PCDH11X: variants seen among roughly 807,000 people sequenced by gnomAD.
The protein encoded by PCDH11X is protocadherin-11 X-linked.
A neutral mutation model predicts 53.3 loss-of-function variants in PCDH11X; 18 were observed. The ratio of observed to expected loss-of-function variants is 0.34; its 90% CI spans 0.23 to 0.50. The LOEUF is 0.50. PCDH11X is among the 20% of genes least tolerant of loss of function. The pLI, the probability that PCDH11X is intolerant of heterozygous loss-of-function variation, is 0.98. For missense variants in PCDH11X, 570 were observed against 1,032.4 expected (o/e 0.55, Z 6.14); for synonymous variants, 279 against 393.3 (o/e 0.71, Z 3.44).
chrX:92,591,155 A>G (rs1409686779), intron 10 of PCDH11X, among the ~76,000 whole-genome samples: 3 of 111,397 alleles, frequency 2.7e-5, no homozygotes, highest in African/African-American at 9.8e-5. Flanking sequence ...TTGCAAAATT[A>G]AGAGGCTTTT....
intron 8 of PCDH11X, among the ~76,000 whole-genome samples, chrX:92,287,346 C>T (rs1013277258): frequency 1.8e-5 from 2 of 111,051 alleles, no homozygotes; most frequent in African/African-American, 6.6e-5. Context: ...TTGTCCACCA[C>T]CCCCTGACAG....
At chrX:92,321,519 A>G (rs1475315436) in intron 8 of PCDH11X, among the ~76,000 whole-genome samples, 1 of 111,529 alleles carries the variant, frequency 9.0e-6, no homozygotes, top group Admixed American at 9.5e-5. Flanking sequence ...AATATTGCTT[A>G]TCTCATGGCC....
intron 10 of PCDH11X, among the ~76,000 whole-genome samples, chrX:92,534,859 A>T (rs2074627387): frequency 8.9e-6 from 1 of 111,778 alleles, no homozygotes; most frequent in Non-Finnish European, 1.9e-5. Flanking sequence ...ATGCTGAGAG[A>T]TTTTGTCACC....
intron 8 of PCDH11X, among the ~76,000 whole-genome samples, chrX:92,306,135 T>C (rs1353223347): frequency 9.1e-6 from 1 of 110,271 alleles, no homozygotes; most frequent in African/African-American, 3.3e-5. Context: ...TATGTGGAAA[T>C]TTCTTAAACA....
intron 9 of PCDH11X, among the ~76,000 whole-genome samples, chrX:92,407,466 A>G (rs2071546040): frequency 9.1e-6 from 1 of 109,447 alleles, no homozygotes; most frequent in African/African-American, 3.3e-5. Flanking sequence ...TAATTGTTCA[A>G]ATGTGAAAAT....
chrX:92,517,427 T>C (rs1026525156), intron 10 of PCDH11X, among the ~76,000 whole-genome samples: 8 of 111,997 alleles, frequency 7.1e-5, no homozygotes, highest in African/African-American at 2.3e-4. Flanking sequence ...AAACTTTCCA[T>C]AGCCTTCGTG....
At chrX:92,429,254 G>A (rs1178205592) in intron 9 of PCDH11X, among the ~76,000 whole-genome samples, 2 of 110,455 alleles carry the variant, frequency 1.8e-5, no homozygotes, top group Non-Finnish European at 3.8e-5. Flanking sequence ...AACATAGGAC[G>A]CAAACTAAGA....
At chrX:92,302,692 C>T (rs1465643801) in intron 8 of PCDH11X, among the ~76,000 whole-genome samples, 1 of 106,992 alleles carries the variant, frequency 9.3e-6, no homozygotes, top group Admixed American at 1.0e-4. Context: ...AAATGCAGCA[C>T]CCATGTACTA....
At chrX:91,999,270 G>T (rs1245236491) in intron 6 of PCDH11X, among the ~76,000 whole-genome samples, 2 of 111,478 alleles carry the variant, frequency 1.8e-5, no homozygotes. Context: ...TAACTGGTAT[G>T]TTGGCAACAA....
At chrX:92,455,204 A>G in intron 9 of PCDH11X, among the ~76,000 whole-genome samples, 1 of 108,751 alleles carries the variant, frequency 9.2e-6, no homozygotes, top group East Asian at 2.9e-4. Flanking sequence ...GATTTAGATT[A>G]TATAGTTCAT....
chrX:91,985,635 A>G (rs1189323422), intron 6 of PCDH11X, among the ~76,000 whole-genome samples: 4 of 112,588 alleles, frequency 3.6e-5, no homozygotes, highest in Non-Finnish European at 7.5e-5. Context: ...CCATATTCCA[A>G]CTGAAATGGA....
At chrX:92,147,284 T>C (rs1041146942) in intron 6 of PCDH11X, among the ~76,000 whole-genome samples, 20 of 108,869 alleles carry the variant, frequency 1.8e-4, no homozygotes, top group Non-Finnish European at 3.4e-4. Flanking sequence ...AATTTATTTC[T>C]CTTATTTGAT....
At chrX:92,407,855 A>G (rs952138471) in intron 9 of PCDH11X, among the ~76,000 whole-genome samples, 1 of 110,934 alleles carries the variant, frequency 9.0e-6, no homozygotes, top group Non-Finnish European at 1.9e-5. Context: ...GATACTGGAT[A>G]CTATTAAAGT....
Position 92,110,118 on chromosome X carries a change from A to G in PCDH11X, c.3034-91257A>G, listed in dbSNP as rs1306487149. 1.1e-4 allele frequency among the ~76,000 whole-genome samples: 12 copies of G among 112,064 alleles called. No homozygotes were observed. In the Admixed American group the frequency reaches 1.1e-3, roughly 11 times the overall value. ...AAATATAAATCAATCATATATTTAA[A>G]AGGATTTTTATTTTAAACTTATCCT... is the stretch of plus-strand genomic sequence containing the variant. On this transcript the variant is annotated intron_variant, in intron 6 of 10. Transcript: ENST00000682573.
chrX:92,039,645 A>C (rs2063181072), intron 6 of PCDH11X, among the ~76,000 whole-genome samples: 1 of 112,071 alleles, frequency 8.9e-6, no homozygotes, highest in African/African-American at 3.2e-5. Context: ...CAGGTTCATA[A>C]ATGTTATCCA....
intron 8 of PCDH11X, among the ~76,000 whole-genome samples, chrX:92,274,976 A>G (rs1254783288): frequency 9.1e-5 from 10 of 110,107 alleles, no homozygotes; most frequent in Non-Finnish European, 7.6e-5. Flanking sequence ...GCCAGGAACA[A>G]TGGTAATTGT....
chrX:92,084,538 C>CAAAA (rs574981485), intron 6 of PCDH11X, among the ~76,000 whole-genome samples: 7 of 61,915 alleles, frequency 1.1e-4, no homozygotes, highest in African/African-American at 3.1e-4. Context: ...AACACAGTCT[C>CAAAA]AAAAAAAAAA....
intron 9 of PCDH11X, among the ~76,000 whole-genome samples, chrX:92,401,477 A>G (rs1237021451): frequency 1.8e-5 from 2 of 111,231 alleles, no homozygotes; most frequent in Admixed American, 9.7e-5. Context: ...GCAAATTTTA[A>G]GAATATTTTT....
chrX:92,383,634 G>T (rs1462417841), intron 8 of PCDH11X, among the ~76,000 whole-genome samples: 1 of 111,127 alleles, frequency 9.0e-6, no homozygotes, highest in African/African-American at 3.3e-5. Context: ...CTTCATCCAT[G>T]TCCCTGCAAA....
Sources: allele counts gnomAD v4.1 joint callset (sites outside exome capture counted in the v4.1 genomes callset), GRCh38; gene constraint gnomAD v4.1.1; transcripts MANE v1.5; gene names NCBI Gene and HGNC (gene_info 2026-07-23, HGNC 2026-07-21).